Variants in RNF180 observed in about 807,000 individuals in gnomAD.
RNF180 encodes E3 ubiquitin-protein ligase RNF180.
Under a neutral mutation model 59.2 loss-of-function variants are expected in RNF180, and 38 were observed. That is an observed-to-expected ratio of 0.64 (90% CI 0.50 to 0.84). The LOEUF is 0.84. Ranked by LOEUF, RNF180 falls within the 40% of genes least tolerant of loss-of-function variation. RNF180 has a pLI of 0.00. For missense variants in RNF180, 705 were observed against 700.9 expected (o/e 1.01, Z -0.07); for synonymous variants, 262 against 240.3 (o/e 1.09, Z -0.84).
At position 64,190,576 on chromosome 5, in the gene RNF180, T is replaced by C. The variant is rs111854273; in HGVS notation, c.1-10232T>C. Among the ~76,000 whole-genome samples, 501 of 152,248 alleles carry C rather than the reference T, an allele frequency of 3.3e-3. 4 individuals are homozygous for C. The highest frequency in any genetic ancestry group is 0.01 in the South Asian group (50 of 4,824). The stretch of plus-strand genomic sequence containing the variant: ...ATTTGGGGGTCCAGAGGGAGGAATG[T>C]TACAGATTGAATTGTGTCCTCTCCC... On this transcript the variant is annotated intron_variant, in intron 1 of 7. Transcript: ENST00000389100.
chr5:64,301,104 A>T (rs1743138218), intron 5 of RNF180, among the ~76,000 whole-genome samples: 1 of 151,848 alleles, frequency 6.6e-6, no homozygotes, highest in Non-Finnish European at 1.5e-5. Flanking sequence ...TATACACTGT[A>T]AAACAGTAAA....
chr5:64,365,278 A>C (rs1461910947), intron 7 of RNF180, among the ~76,000 whole-genome samples: 1 of 151,784 alleles, frequency 6.6e-6, no homozygotes, highest in Non-Finnish European at 1.5e-5. Context: ...AAAGTCATTC[A>C]GAAGCAGGTT....
chr5:64,293,072 G>A (rs188835276), intron 5 of RNF180, among the ~76,000 whole-genome samples: 331 of 152,296 alleles, frequency 2.2e-3, no homozygotes, highest in Non-Finnish European at 3.6e-3. Context: ...AGCCTGTTGC[G>A]CTGGGTTGGC....
intron 7 of RNF180, among the ~76,000 whole-genome samples, chr5:64,358,405 C>G (rs1412985504): frequency 6.6e-6 from 1 of 151,808 alleles, no homozygotes; most frequent in Non-Finnish European, 1.5e-5. Flanking sequence ...TAGAATATTT[C>G]TGAAGAGCTT....
intron 5 of RNF180, among the ~76,000 whole-genome samples, chr5:64,256,894 GTTC>G (rs1294935254): frequency 6.6e-6 from 1 of 152,122 alleles, no homozygotes; most frequent in Non-Finnish European, 1.5e-5. Flanking sequence ...GTGGTTTGTA[GTTC>G]TTCTTGAAGA....
At chr5:64,301,924 C>G (rs1743181075) in intron 5 of RNF180, among the ~76,000 whole-genome samples, 1 of 151,550 alleles carries the variant, frequency 6.6e-6, no homozygotes, top group African/African-American at 2.4e-5. Context: ...GGAATGAGAA[C>G]AAATAATTGG....
chr5:64,345,674 A>G (rs1210006551), intron 7 of RNF180, among the ~76,000 whole-genome samples: 2 of 152,180 alleles, frequency 1.3e-5, no homozygotes, highest in African/African-American at 2.4e-5. Context: ...CCACACTCAC[A>G]GCACCTGTCA....
chr5:64,349,257 A>AT lies in RNF180; in HGVS notation c.1579+18852dup, dbSNP rs575884322. Among the ~76,000 whole-genome samples the AT allele has an allele frequency of 5.3e-5, 8 of 152,224 alleles. No homozygotes were observed. The South Asian group carries it at 1.4e-3, about 28-fold the overall frequency. On this transcript the variant is annotated intron_variant, in intron 7 of 7. Transcript: ENST00000389100. ...AGGTTACAAATAGACATAAACATTA[A>AT]TGAGGGTTGCTTATTCTTTTAATGC...
intron 1 of RNF180, among the ~76,000 whole-genome samples, chr5:64,191,995 AT>A (rs34972214): frequency 1.3e-5 from 2 of 151,572 alleles, no homozygotes; most frequent in African/African-American, 2.4e-5. Context: ...GTCCAATTTT[AT>A]TTTTTTTGCA....
chr5:64,186,375 C>A (rs1181502116), intron 1 of RNF180, among the ~76,000 whole-genome samples: 1 of 151,866 alleles, frequency 6.6e-6, no homozygotes, highest in Non-Finnish European at 1.5e-5. Context: ...TGTTTTAGCC[C>A]GTATTTCCCC....
intron 7 of RNF180, among the ~76,000 whole-genome samples, chr5:64,348,093 C>T (rs1043049201): frequency 4.0e-5 from 6 of 151,848 alleles, no homozygotes; most frequent in African/African-American, 1.5e-4. Context: ...GTATAGGTAG[C>T]TGGATATAAT....
intron 1 of RNF180, among the ~76,000 whole-genome samples, chr5:64,200,054 A>G (rs1751662212): frequency 6.6e-6 from 1 of 152,228 alleles, no homozygotes; most frequent in Non-Finnish European, 1.5e-5. Context: ...ACAACTCAGT[A>G]AATCCTATTT....
chr5:64,230,403 G>T (rs766679516), intron 5 of RNF180, among the ~76,000 whole-genome samples: 1 of 152,156 alleles, frequency 6.6e-6, no homozygotes. Context: ...CTGTTTTCTT[G>T]CCTTTTCTGG....
At chr5:64,252,253 A>T (rs1455236449) in intron 5 of RNF180, among the ~76,000 whole-genome samples, 2 of 152,312 alleles carry the variant, frequency 1.3e-5, no homozygotes, top group East Asian at 3.9e-4. Flanking sequence ...ATTTTCAACA[A>T]AGGTGCCAAG....
Position 64,260,077 on chromosome 5 carries a change from T to G in RNF180, c.1227+42681T>G, listed in dbSNP as rs1419239673. On this transcript the variant is annotated intron_variant, in intron 5 of 7. Transcript: ENST00000389100. Reference sequence around the variant, plus strand: ...TTTATACATACACAATTTTATATACTCACAAATAAATGTACAGATATAATA... The same window carrying G: ...TTTATACATACACAATTTTATATACGCACAAATAAATGTACAGATATAATA... 4.6e-5 allele frequency among the ~76,000 whole-genome samples: 7 copies of G among 152,232 alleles called. No individual in the cohort carries two copies. The East Asian group carries it at 1.2e-3, about 25-fold the overall frequency.
intron 1 of RNF180, among the ~76,000 whole-genome samples, chr5:64,194,899 A>G (rs1357622759): frequency 1.3e-5 from 2 of 152,182 alleles, no homozygotes; most frequent in South Asian, 2.1e-4. Flanking sequence ...AAATTTTCAT[A>G]TTGAAATATA....
intron 5 of RNF180, among the ~76,000 whole-genome samples, chr5:64,254,957 A>C (rs891861655): frequency 6.6e-6 from 1 of 152,180 alleles, no homozygotes; most frequent in Non-Finnish European, 1.5e-5. Flanking sequence ...TTAGAAGAAC[A>C]ACCTCCAGTT....
rs1038577963 is a variant in RNF180 at position 64,371,449 on chromosome 5, A to G, written c.*1635A>G. ...TATACACTCTAGAAAATATATCTTG[A>G]TTCATTCCTAAATCACAATAAAGGT... On this transcript the variant is annotated 3_prime_UTR_variant, in exon 8 of 8. Transcript: ENST00000389100. 2.0e-5 allele frequency: 3 copies of G among 151,572 alleles called. No individual in the cohort carries two copies. Among genetic ancestry groups the G allele is most frequent in the Admixed American group, 6.6e-5 (1 of 15,164 alleles). The allele number at this position is 151,572 out of a possible 1,614,324, so 9.4% of individuals were successfully genotyped here.
At chr5:64,294,671 A>G (rs1742795070) in intron 5 of RNF180, among the ~76,000 whole-genome samples, 1 of 152,234 alleles carries the variant, frequency 6.6e-6, no homozygotes, top group Non-Finnish European at 1.5e-5. Flanking sequence ...TGTATTCATA[A>G]AAACATATAA....
Sources: gnomAD v4.1 joint callset for allele counts (sites outside exome capture counted in the v4.1 genomes callset) on GRCh38, gnomAD v4.1.1 for gene constraint, MANE v1.5 for transcripts, NCBI Gene and HGNC (gene_info 2026-07-23, HGNC 2026-07-21) for gene names.